The following NEURL4 variants were observed in gnomAD, a reference collection of about 807,000 sequenced individuals.
NEURL4 encodes neuralized E3 ubiquitin protein ligase 4, also known as neuralized-like protein 4.
NEURL4 carries 45 observed loss-of-function variants against 148.0 expected under a neutral mutation model. The ratio of observed to expected loss-of-function variants is 0.30; its 90% CI spans 0.24 to 0.39. The LOEUF is 0.39. Among genes scored for constraint, NEURL4 ranks in the 10% least tolerant of loss-of-function variants. The probability of loss-of-function intolerance (pLI) is 1.00; values close to 1 mark genes in which losing one functional copy is unlikely to be tolerated. For missense variants in NEURL4, 1,776 were observed against 2,144.0 expected (o/e 0.83, Z 3.39); for synonymous variants, 854 against 869.0 (o/e 0.98, Z 0.30).
rs749273568 is a variant in NEURL4, at chr17:7,323,712, T to A, written c.2273A>T (p.Asp758Val). 8 of 1,613,870 alleles carry A rather than the reference T, an allele frequency of 5.0e-6. No individual in the cohort carries two copies. Among genetic ancestry groups the A allele is most frequent in the Non-Finnish European group, 6.8e-6 (8 of 1,179,938 alleles). The change falls in exon 13 of 29, where the codon GAT (aspartate) becomes GTT (valine). Residue 758 changes from aspartate to valine, a missense_variant. Asp to Val is a radical substitution (Grantham distance 152). Transcript: ENST00000399464. ...AATGACAATTTCAAACAGCTCTCCA[T>A]CCCGCAGGGCCCTGCCAGGAGACTG... ...AIVISNRALR[D>V]GELFEIVIQK... is the part of the protein sequence containing the mutation.
At position 7,327,830 on chromosome 17, in the gene NEURL4, C is replaced by T. The variant is rs1216641954; in HGVS notation, c.337G>A (p.Val113Met). 1 of 1,613,728 alleles carries T rather than the reference C, an allele frequency of 6.2e-7. No homozygotes were observed. Among genetic ancestry groups the T allele is most frequent in the Admixed American group, 1.7e-5 (1 of 60,016 alleles). The change falls in exon 2 of 29, where the codon GTG (valine) becomes ATG (methionine). Residue 113 changes from valine (V) to methionine (M), a missense_variant. Physicochemically the swap from Val to Met is conservative, Grantham distance 21 (BLOSUM62 1). Transcript: ENST00000399464. The surrounding 1 kb of genome is among the most constrained non-coding windows in gnomAD (Gnocchi z 6.6). ...EIGVTALDPS[V>M]LDFPSSATGL... ...GTGGCACTGCTTGGAAAGTCCAGCA[C>T]ACTGGGGTCCAGCGCTGTCACCCCA...
Position 7,318,918 on chromosome 17 carries a change from T to G in NEURL4, c.3684+132A>C. The G allele has an allele frequency of 9.3e-7, 1 of 1,072,588 alleles. No individual in the cohort carries two copies. Among genetic ancestry groups the G allele is most frequent in the Admixed American group, 2.8e-5 (1 of 36,032 alleles). 66.4% of individuals were successfully genotyped at this position (1,072,588 alleles called of 1,614,324 possible). A position where few individuals can be genotyped will look rare whatever the true frequency, so the allele number is the denominator to read the frequency against. Reference sequence around the variant, plus strand: ...CTGACCAGGCAATGCTACTCGCCCTTGCCTGCCCATTACTGTTCCCCTTTT... The same window carrying G: ...CTGACCAGGCAATGCTACTCGCCCTGGCCTGCCCATTACTGTTCCCCTTTT... On this transcript the variant is annotated intron_variant, in intron 22 of 28. Coordinates refer to ENST00000399464, the MANE Select transcript of NEURL4 (RefSeq NM_032442.3). The surrounding 1 kb of genome is among the most constrained non-coding windows in gnomAD (Gnocchi z 4.3).
Position 7,323,072 on chromosome 17 carries a change from A to G in NEURL4, c.2469T>C (p.Cys823=). The change falls in exon 15 of 29, where the codon TGT becomes TGC. Residue 823 remains cysteine (C), a synonymous_variant. Coordinates refer to ENST00000399464, the MANE Select transcript of NEURL4 (RefSeq NM_032442.3). The part of the protein sequence containing the change: ...DGNTMRNNYG[C]DLDALGTGAR... The stretch of plus-strand genomic sequence containing the variant: ...CACCTGTGCCCAGCGCATCCAGGTC[A>G]CACCCATAATTGTTGCGCATCGTGT... 2 of 1,613,772 alleles carry G rather than the reference A, an allele frequency of 1.2e-6. No individual in the cohort carries two copies. Among genetic ancestry groups the G allele is most frequent in the Non-Finnish European group, 1.7e-6 (2 of 1,179,970 alleles).
rs1178245769 is a variant in NEURL4 at position 7,316,140 on chromosome 17, G to A, written c.4672C>T (p.Leu1558=). 1 of 1,549,994 alleles carries A rather than the reference G, an allele frequency of 6.5e-7. No individual in the cohort carries two copies. ...EKGATLLCAL[L]VRVE ...CTCACCCCTCATTCCACCCGTACCA[G>A]CAGGGCACAGAGGAGTGTGGCCCCC... Residue 1558 remains leucine (L), a synonymous_variant, in exon 29 of 29, where the codon CTG becomes TTG. Transcript: ENST00000399464.
At chr17:7,325,144 T>TTGGGGGGGGGGGGGGGGGGGGGGGGGGG in intron 8 of NEURL4, 65 bp downstream of exon 8, 3 of 956,488 alleles carry the variant, frequency 3.1e-6, no homozygotes, top group Non-Finnish European at 4.6e-6. Flanking sequence ...TCCACTTCCT[T>TTGGGGGGGGGGGGGGGGGGGGGGGGGGG]GCCCCGCCCC....
Position 7,326,707 on chromosome 17 carries a change from A to G in NEURL4, c.1092+4T>C, listed in dbSNP as rs1429348604. ...CGCCAACCAGACCACAGGACTTTGC[A>G]CACCTCAAACATCTCATTGTCCCGA... On this transcript the variant is annotated splice_donor_region_variant and intron_variant, in intron 4 of 28. Coordinates refer to ENST00000399464, the MANE Select transcript of NEURL4 (RefSeq NM_032442.3). The surrounding 1 kb of genome is among the most constrained non-coding windows in gnomAD (Gnocchi z 6.0). 2 of 1,608,868 alleles carry G rather than the reference A, an allele frequency of 1.2e-6. No individual in the cohort carries two copies. Among genetic ancestry groups the G allele is most frequent in the African/African-American group, 2.7e-5 (2 of 74,412 alleles).
At position 7,318,998 on chromosome 17, in the gene NEURL4, C is replaced by A; in HGVS notation, c.3684+52G>T. 1 of 1,541,162 alleles carries A rather than the reference C, an allele frequency of 6.5e-7. No homozygotes were observed. Among genetic ancestry groups the A allele is most frequent in the Non-Finnish European group, 8.8e-7 (1 of 1,142,386 alleles). On this transcript the variant is annotated intron_variant, in intron 22 of 28. Coordinates refer to ENST00000399464, the MANE Select transcript of NEURL4 (RefSeq NM_032442.3). This position sits in a 1 kb window ranked among gnomAD's most constrained non-coding sequence, Gnocchi z 4.3. ...GGCCCACTTCTCCCTTCTGGCCAGC[C>A]CTTCTCTACTCACAGGCCTGGTCCT...
Position 7,326,684 on chromosome 17 carries a change from C to T in NEURL4, c.1092+27G>A, listed in dbSNP as rs1339931735. ...ATCTTTAGCTCCCAGGGATAAGGCGCCAACCAGACCACAGGACTTTGCACA... is the reference window on the plus strand; with the variant it reads ...ATCTTTAGCTCCCAGGGATAAGGCGTCAACCAGACCACAGGACTTTGCACA... On this transcript the variant is annotated intron_variant, in intron 4 of 28. Coordinates refer to ENST00000399464, the MANE Select transcript of NEURL4 (RefSeq NM_032442.3). The surrounding 1 kb of genome is among the most constrained non-coding windows in gnomAD (Gnocchi z 6.0). 6 of 1,606,510 alleles carry T rather than the reference C, an allele frequency of 3.7e-6. No homozygotes were observed. Among genetic ancestry groups the T allele is most frequent in the Non-Finnish European group, 4.2e-6 (5 of 1,176,472 alleles).
chr17:7,316,371 T>C (rs2072945333), intron 28 of NEURL4, 44 bp from the exon 29 acceptor site: 2 of 1,506,420 alleles, frequency 1.3e-6, no homozygotes, highest in Non-Finnish European at 1.8e-6. Flanking sequence ...TCTCGCCCCA[T>C]CACCTCCCCC....
intron 21 of NEURL4, among the ~76,000 whole-genome samples, chr17:7,319,709 C>CAACAA (rs2073003761): frequency 1.8e-5 from 2 of 112,356 alleles, no homozygotes; most frequent in Admixed American, 2.0e-4. Flanking sequence ...TCAAAAAAAA[C>CAACAA]AAAAAAACAA....
chr17:7,321,318 C>A lies in NEURL4; in HGVS notation c.3198+43G>T. The A allele has an allele frequency of 6.2e-7, 1 of 1,613,694 alleles. No individual in the cohort carries two copies. The highest frequency in any genetic ancestry group is 8.5e-7 in the Non-Finnish European group (1 of 1,179,774). Reference sequence around the variant, plus strand: ...CAGAAAATCAGAGATCAGCAGAAGACCTCAACCATCCTCCCAGAACCCAAG... The same window carrying A: ...CAGAAAATCAGAGATCAGCAGAAGAACTCAACCATCCTCCCAGAACCCAAG... On this transcript the variant is annotated intron_variant, in intron 19 of 28. Transcript: ENST00000399464. The surrounding 1 kb of genome is among the most constrained non-coding windows in gnomAD (Gnocchi z 6.3).
At chr17:7,319,709 C>CCA (rs2073003681) in intron 21 of NEURL4, among the ~76,000 whole-genome samples, 1 of 112,356 alleles carries the variant, frequency 8.9e-6, no homozygotes, top group Non-Finnish European at 1.8e-5. Flanking sequence ...TCAAAAAAAA[C>CCA]AAAAAAACAA....
rs1240989014 is a variant in NEURL4, at chr17:7,324,611, T to C, written c.1814-131A>G. 2 of 1,081,816 alleles carry C rather than the reference T, an allele frequency of 1.8e-6. No homozygotes were observed. The highest frequency in any genetic ancestry group is 1.6e-5 in the African/African-American group (1 of 63,514). The allele number at this position is 1,081,816 out of a possible 1,614,324, so 67.0% of individuals were successfully genotyped here. Reference sequence around the variant, plus strand: ...TTCTTTGATGACTAGATTTCTTCCCTGAGCAGGACAAGAAAACTCTGCAGC... The same window carrying C: ...TTCTTTGATGACTAGATTTCTTCCCCGAGCAGGACAAGAAAACTCTGCAGC... On this transcript the variant is annotated intron_variant, in intron 9 of 28. Coordinates refer to ENST00000399464, the MANE Select transcript of NEURL4 (RefSeq NM_032442.3). The surrounding 1 kb of genome is among the most constrained non-coding windows in gnomAD (Gnocchi z 5.9).
Position 7,327,200 on chromosome 17 carries a change from G to C in NEURL4, c.758C>G (p.Pro253Arg), listed in dbSNP as rs760685777. 1 of 1,612,116 alleles carries C rather than the reference G, an allele frequency of 6.2e-7. No homozygotes were observed. Among genetic ancestry groups the C allele is most frequent in the South Asian group, 1.1e-5 (1 of 90,968 alleles). Reference protein sequence around the residue: ...AFMVSPAQARPETFPNSLESH... With the variant: ...AFMVSPAQARRETFPNSLESH... ...CTCAAGGCTGTTAGGAAACGTCTCC[G>C]GCCGGGCCTGCGCTGGGGACACCAT... The change falls in exon 3 of 29, where the codon CCG (proline) becomes CGG (arginine). Residue 253 changes from proline (P) to arginine (R), a missense_variant. Pro to Arg is a moderately radical substitution (Grantham distance 103, BLOSUM62 -2). Coordinates refer to ENST00000399464, the MANE Select transcript of NEURL4 (RefSeq NM_032442.3). This position sits in a 1 kb window ranked among gnomAD's most constrained non-coding sequence, Gnocchi z 6.6.
Position 7,318,993 on chromosome 17 carries a change from C to A in NEURL4, c.3684+57G>T. 1.3e-6 allele frequency: 2 copies of A among 1,532,652 alleles called. No individual in the cohort carries two copies. The highest frequency in any genetic ancestry group is 2.1e-5 in the Admixed American group (1 of 47,980). 94.9% of individuals were successfully genotyped at this position (1,532,652 alleles called of 1,614,324 possible). The stretch of plus-strand genomic sequence containing the variant: ...CTAGGGGCCCACTTCTCCCTTCTGG[C>A]CAGCCCTTCTCTACTCACAGGCCTG... On this transcript the variant is annotated intron_variant, in intron 22 of 28. Transcript: ENST00000399464. The surrounding 1 kb of genome is among the most constrained non-coding windows in gnomAD (Gnocchi z 4.3).
chr17:7,325,144 T>TTGGGGGGGGGGGGGCGGG, intron 8 of NEURL4, 65 bp downstream of exon 8: 1 of 956,486 alleles, frequency 1.0e-6, no homozygotes, highest in Non-Finnish European at 1.5e-6. Flanking sequence ...TCCACTTCCT[T>TTGGGGGGGGGGGGGCGGG]GCCCCGCCCC....
chr17:7,322,088 G>C lies in NEURL4; in HGVS notation c.2726-78C>G, dbSNP rs2073042014. On this transcript the variant is annotated intron_variant, in intron 16 of 28. Transcript: ENST00000399464. The surrounding 1 kb of genome is among the most constrained non-coding windows in gnomAD (Gnocchi z 5.5). ...GGCAGAACACAGAGCAAAGCTTTCA[G>C]ATGAAACGAAATGGGGATGCCAACG... The C allele has an allele frequency of 1.3e-6, 2 of 1,494,270 alleles. No individual in the cohort carries two copies. The allele number at this position is 1,494,270 out of a possible 1,614,324, so 92.6% of individuals were successfully genotyped here. A position where few individuals can be genotyped will look rare whatever the true frequency, so the allele number is the denominator to read the frequency against.
rs769831576 is a variant in NEURL4, at chr17:7,317,485, G to A, written c.4294C>T (p.Leu1432=). The A allele has an allele frequency of 6.2e-7, 1 of 1,614,142 alleles. No individual in the cohort carries two copies. The highest frequency in any genetic ancestry group is 1.7e-5 in the Admixed American group (1 of 60,020). ...GSNVAAVRRV[L]DRGELGAGTA... ...CCTGCTCCCAGCTCCCCTCGGTCCAGCACTCTCCGTACAGCGGCAACATTG... is the reference window on the plus strand; with the variant it reads ...CCTGCTCCCAGCTCCCCTCGGTCCAACACTCTCCGTACAGCGGCAACATTG... Residue 1432 remains leucine (L), a synonymous_variant, in exon 27 of 29, where the codon CTG becomes TTG. Coordinates refer to ENST00000399464, the MANE Select transcript of NEURL4 (RefSeq NM_032442.3).
Position 7,327,101 on chromosome 17 carries a change from G to C in NEURL4, c.793+64C>G. On this transcript the variant is annotated intron_variant, in intron 3 of 28. Coordinates refer to ENST00000399464, the MANE Select transcript of NEURL4 (RefSeq NM_032442.3). This position sits in a 1 kb window ranked among gnomAD's most constrained non-coding sequence, Gnocchi z 6.6. Reference sequence around the variant, plus strand: ...TGCCTCTCTCCCTACCCCTTCTCCTGAGGGCCCTCCCTTGTCCACCTCACT... The same window carrying C: ...TGCCTCTCTCCCTACCCCTTCTCCTCAGGGCCCTCCCTTGTCCACCTCACT... 1 of 1,601,050 alleles carries C rather than the reference G, an allele frequency of 6.2e-7. No individual in the cohort carries two copies. Among genetic ancestry groups the C allele is most frequent in the South Asian group, 1.1e-5 (1 of 90,736 alleles).
Sources: allele counts gnomAD v4.1 joint callset (sites outside exome capture counted in the v4.1 genomes callset), GRCh38; gene constraint gnomAD v4.1.1; non-coding constraint Gnocchi (gnomAD v3.1); transcripts MANE v1.5; gene names NCBI Gene and HGNC (gene_info 2026-07-23, HGNC 2026-07-21).